OR6N1: variants seen among roughly 807,000 people sequenced by gnomAD.
The protein encoded by OR6N1 is olfactory receptor 6N1.
For missense variants in OR6N1, 394 were observed against 371.7 expected (o/e 1.06, Z -0.49); for synonymous variants, 170 against 150.7 (o/e 1.13, Z -0.94).
the OR6N1 span, among the ~76,000 whole-genome samples, chr1:158,810,008 C>A: frequency 6.6e-6 from 1 of 152,096 alleles, no homozygotes; most frequent in Non-Finnish European, 1.5e-5. Context: ...ATAGGAAAAG[C>A]CTCCTCCGAA....
At chr1:158,788,503 C>G in the OR6N1 span, among the ~76,000 whole-genome samples, 2 of 151,878 alleles carry the variant, frequency 1.3e-5, no homozygotes, top group East Asian at 1.9e-4. Flanking sequence ...GATAGTATAT[C>G]CTGTACAGTA....
At chr1:158,811,905 C>G in the OR6N1 span, among the ~76,000 whole-genome samples, 2 of 152,074 alleles carry the variant, frequency 1.3e-5, no homozygotes, top group Non-Finnish European at 2.9e-5. Flanking sequence ...ATTGTAACCT[C>G]AAGATTGGAA....
chr1:158,797,145 G>A, the OR6N1 span, among the ~76,000 whole-genome samples: 1 of 152,146 alleles, frequency 6.6e-6, no homozygotes. Context: ...CCCAGGCTGG[G>A]GATGCTGCTA....
chr1:158,771,482 G>A (rs1161225229), intron 1 of OR6N1, among the ~76,000 whole-genome samples: 3 of 152,132 alleles, frequency 2.0e-5, no homozygotes, highest in Non-Finnish European at 4.4e-5. Context: ...ATTGGAATCA[G>A]GGCTCTCATA....
chr1:158,788,007 T>G, the OR6N1 span, among the ~76,000 whole-genome samples: 1 of 152,148 alleles, frequency 6.6e-6, no homozygotes, highest in Non-Finnish European at 1.5e-5. Context: ...GTGATCACAG[T>G]GGAAATGCTA....
the OR6N1 span, among the ~76,000 whole-genome samples, chr1:158,787,215 T>G: frequency 6.6e-6 from 1 of 152,118 alleles, no homozygotes; most frequent in Non-Finnish European, 1.5e-5. Context: ...ACGTGACATG[T>G]TGGCTCCTCT....
Position 158,765,708 on chromosome 1 carries a change from C to A in OR6N1, c.*36G>T, listed in dbSNP as rs776417200. 6.5e-7 allele frequency: 1 copy of A among 1,543,676 alleles called. No individual in the cohort carries two copies. Among genetic ancestry groups the A allele is most frequent in the East Asian group, 2.3e-5 (1 of 44,092 alleles). On this transcript the variant is annotated 3_prime_UTR_variant, in exon 2 of 2. Transcript: ENST00000641846. The stretch of plus-strand genomic sequence containing the variant: ...CTGTTGATCCCTGGGGCCACCATAT[C>A]CTCAGGCCCGGCCTTGGCCTACTCT...
upstream of OR6N1, among the ~76,000 whole-genome samples, chr1:158,773,901 C>T (rs760626143): frequency 1.3e-5 from 2 of 152,098 alleles, no homozygotes; most frequent in African/African-American, 2.4e-5. Context: ...CACTTTAGTG[C>T]CTGCATTGTT....
chr1:158,777,523 G>A, the OR6N1 span: 6 of 1,614,010 alleles, frequency 3.7e-6, no homozygotes, highest in African/African-American at 6.7e-5. Flanking sequence ...ACCACAGATG[G>A]TGAACAGGTA....
chr1:158,839,908 G>T, the OR6N1 span, among the ~76,000 whole-genome samples: 1 of 152,154 alleles, frequency 6.6e-6, no homozygotes, highest in East Asian at 1.9e-4. Context: ...GTCACTCTCA[G>T]TGAGAAGAGA....
the OR6N1 span, among the ~76,000 whole-genome samples, chr1:158,812,447 T>G: frequency 1.3e-5 from 2 of 152,222 alleles, no homozygotes; most frequent in South Asian, 4.1e-4. Flanking sequence ...TCCTGTTAAG[T>G]GCTCATTTAA....
chr1:158,815,470 G>C, the OR6N1 span, among the ~76,000 whole-genome samples: 1 of 151,990 alleles, frequency 6.6e-6, no homozygotes. Context: ...AGAAAAGTAG[G>C]GTCCCAAAAG....
At chr1:158,819,418 G>C in the OR6N1 span, among the ~76,000 whole-genome samples, 27,324 of 152,086 alleles carry the variant, frequency 0.18, 2,695 homozygotes, top group Admixed American at 0.27. Flanking sequence ...CTACTAACCA[G>C]CTCTTGCACA....
At chr1:158,839,546 G>T in the OR6N1 span, among the ~76,000 whole-genome samples, 1 of 152,108 alleles carries the variant, frequency 6.6e-6, no homozygotes, top group Non-Finnish European at 1.5e-5. Context: ...TTCCATCAAT[G>T]CTCCAAGTCA....
the OR6N1 span, among the ~76,000 whole-genome samples, chr1:158,785,713 C>A: frequency 2.6e-5 from 4 of 152,050 alleles, no homozygotes; most frequent in African/African-American, 9.7e-5. Context: ...TGGGGAGATA[C>A]CAAGTTGAAA....
chr1:158,839,845 G>T, the OR6N1 span, among the ~76,000 whole-genome samples: 4 of 152,152 alleles, frequency 2.6e-5, no homozygotes, highest in Non-Finnish European at 5.9e-5. Context: ...TTTATTTGGT[G>T]TTTCCATGGT....
intron 1 of OR6N1, among the ~76,000 whole-genome samples, chr1:158,771,233 C>A (rs1021867218): frequency 6.6e-6 from 1 of 152,142 alleles, no homozygotes; most frequent in Non-Finnish European, 1.5e-5. Flanking sequence ...ACTGTCCCTC[C>A]AATTATATCC....
the OR6N1 span, among the ~76,000 whole-genome samples, chr1:158,790,625 C>T: frequency 8.6e-5 from 13 of 152,002 alleles, no homozygotes; most frequent in East Asian, 1.9e-4. Context: ...AGGATGGTCT[C>T]GATCTCCTGA....
chr1:158,823,753 C>T, the OR6N1 span, among the ~76,000 whole-genome samples: 3 of 151,564 alleles, frequency 2.0e-5, no homozygotes, highest in Non-Finnish European at 1.5e-5. Flanking sequence ...TTTCTACTAG[C>T]GTTCAGTTTG....
Sources: gnomAD v4.1 joint callset for allele counts (sites outside exome capture counted in the v4.1 genomes callset) on GRCh38, gnomAD v4.1.1 for gene constraint, MANE v1.5 for transcripts, NCBI Gene and HGNC (gene_info 2026-07-23, HGNC 2026-07-21) for gene names.